KCNAB2: variants seen among roughly 807,000 people sequenced by gnomAD.
The protein encoded by KCNAB2 is voltage-gated potassium channel subunit beta-2.
A neutral mutation model predicts 63.6 loss-of-function variants in KCNAB2; 29 were observed. The observed-to-expected ratio is 0.46, with a 90% confidence interval of 0.34 to 0.62. The LOEUF is 0.62. Among genes scored for constraint, KCNAB2 ranks in the 20% least tolerant of loss-of-function variants. The pLI, the probability that KCNAB2 is intolerant of heterozygous loss-of-function variation, is 0.01. For synonymous variants in KCNAB2, 222 were observed against 224.2 expected, an observed-to-expected ratio of 0.99 and a Z score of 0.09; for missense variants, 359 against 563.9, an observed-to-expected ratio of 0.64 and a Z score of 3.68.
rs1312556017 is a variant in KCNAB2 at position 6,095,308 on chromosome 1, T to C, written c.733-15T>C. 3.1e-6 allele frequency: 5 copies of C among 1,609,288 alleles called. No individual in the cohort carries two copies. The highest frequency in any genetic ancestry group is 4.2e-6 in the Non-Finnish European group (5 of 1,178,624). On this transcript the variant is annotated splice_polypyrimidine_tract_variant and intron_variant, in intron 11 of 15. Transcript: ENST00000378083. ...CACAGGCAAGGGCCCTCGGGGTCCC[T>C]TTCTGCCTTCACAGGAGGCCTACTC...
intron 7 of KCNAB2, among the ~76,000 whole-genome samples, chr1:6,088,445 A>G (rs1018745178): frequency 1.3e-5 from 2 of 151,482 alleles, no homozygotes; most frequent in Non-Finnish European, 2.9e-5. Context: ...ATGGGGTTTC[A>G]TCATGTTGTC....
At chr1:6,004,226 G>T (rs936695676) in intron 1 of KCNAB2, among the ~76,000 whole-genome samples, 1 of 151,510 alleles carries the variant, frequency 6.6e-6, no homozygotes, top group African/African-American at 2.4e-5. Context: ...CTGGTTAGAG[G>T]GTTTTTTTTT....
intron 1 of KCNAB2, among the ~76,000 whole-genome samples, chr1:6,008,805 T>C (rs1220257505): frequency 2.6e-5 from 4 of 152,036 alleles, no homozygotes; most frequent in Admixed American, 2.6e-4. Context: ...TGCTGTGACC[T>C]CCTGCGCCAC....
intron 1 of KCNAB2, among the ~76,000 whole-genome samples, chr1:6,038,765 C>T (rs778632652): frequency 1.6e-4 from 24 of 152,304 alleles, no homozygotes; most frequent in East Asian, 7.7e-4. Context: ...TTCCTGGTGA[C>T]GGGAGGTCAC....
intron 1 of KCNAB2, among the ~76,000 whole-genome samples, chr1:6,009,005 C>G (rs1657990334): frequency 6.6e-6 from 1 of 152,226 alleles, no homozygotes; most frequent in Non-Finnish European, 1.5e-5. Context: ...CCAGAAAGAG[C>G]AAAGCAAAAG....
At chr1:6,023,656 G>A (rs1204963038) in intron 1 of KCNAB2, among the ~76,000 whole-genome samples, 2 of 152,130 alleles carry the variant, frequency 1.3e-5, no homozygotes, top group Admixed American at 1.3e-4. Context: ...TTGGTTTTCT[G>A]TTGAATTTTA....
At chr1:6,093,530 A>G (rs1452078347) in intron 10 of KCNAB2, among the ~76,000 whole-genome samples, 1 of 152,212 alleles carries the variant, frequency 6.6e-6, no homozygotes, top group Non-Finnish European at 1.5e-5. Context: ...TCTCTTCTTT[A>G]AAAGGCCAGC....
Position 6,006,627 on chromosome 1 carries a change from C to T in KCNAB2, c.-53+13839C>T, listed in dbSNP as rs5021955. Among the ~76,000 whole-genome samples, 9 of 7,248 alleles carry T rather than the reference C, an allele frequency of 1.2e-3. 1 individual carries two copies. Among genetic ancestry groups the T allele is most frequent in the African/African-American group, 6.8e-3 (9 of 1,332 alleles). 4.8% of individuals were successfully genotyped at this position (7,248 alleles called of 152,430 possible). ...AGCTCAGCTCCCACATCCCCCCACT[C>T]CACCCTCACCCCTCAGCTCAGGTCC... On this transcript the variant is annotated intron_variant, in intron 1 of 16. Coordinates refer to the KCNAB2 transcript ENST00000341524.
intron 2 of KCNAB2, among the ~76,000 whole-genome samples, chr1:6,064,290 C>T (rs1662564158): frequency 6.6e-6 from 1 of 152,250 alleles, no homozygotes; most frequent in South Asian, 2.1e-4. Context: ...GTTCCCCTGA[C>T]ATGATCAGAT....
chr1:6,000,157 C>T (rs546464118), intron 1 of KCNAB2, among the ~76,000 whole-genome samples: 3 of 152,066 alleles, frequency 2.0e-5, no homozygotes, highest in East Asian at 3.9e-4. Context: ...CAGCGCCTCC[C>T]GCCTCTGCTC....
intron 11 of KCNAB2, among the ~76,000 whole-genome samples, 168 bp downstream of exon 11, chr1:6,094,653 G>A (rs1665472574): frequency 6.6e-6 from 1 of 152,234 alleles, no homozygotes. Flanking sequence ...ATGTCTGTAG[G>A]CCTTGCAGAC....
chr1:6,098,493 G>A lies in KCNAB2; in HGVS notation c.1167G>A (p.Pro389=), dbSNP rs139957561. The A allele has an allele frequency of 1.8e-4, 298 of 1,613,922 alleles. 3 individuals carry two copies. The East Asian group carries it at 5.4e-3, about 29-fold the overall frequency. Residue 389 remains proline, a synonymous_variant, in exon 16 of 16, where the codon CCG becomes CCA. Transcript: ENST00000378083. ...GTTGTTCTTGCACGCAGGTCCTTCC[G>A]AAACTGTCATCTTCCATTATCCACG... The part of the protein sequence containing the change: ...MENIGAIQVL[P]KLSSSIIHEI...
intron 1 of KCNAB2, among the ~76,000 whole-genome samples, chr1:6,000,286 G>A (rs1657178052): frequency 6.6e-6 from 1 of 152,240 alleles, no homozygotes; most frequent in Non-Finnish European, 1.5e-5. Flanking sequence ...CCGGAGCCAT[G>A]TTGTCCCTTT....
chr1:6,061,044 C>T (rs191791361), intron 2 of KCNAB2, among the ~76,000 whole-genome samples: 4 of 152,336 alleles, frequency 2.6e-5, no homozygotes, highest in African/African-American at 9.6e-5. Flanking sequence ...CTGGCCGGCC[C>T]CAGCTTTCCA....
chr1:5,999,922 C>T (rs1208266102), intron 1 of KCNAB2, among the ~76,000 whole-genome samples: 2 of 142,662 alleles, frequency 1.4e-5, no homozygotes, highest in African/African-American at 2.7e-5. Context: ...GTCTGTGCCC[C>T]GTCCGCATCC....
At chr1:6,027,312 G>C (rs534038348) in intron 1 of KCNAB2, 1 of 154,858 alleles carries the variant, frequency 6.5e-6, no homozygotes, top group South Asian at 2.0e-4. Flanking sequence ...CTGGGTGTGC[G>C]GCTATGGGGA....
chr1:6,011,452 G>A (rs367869664), intron 1 of KCNAB2, among the ~76,000 whole-genome samples: 21 of 150,906 alleles, frequency 1.4e-4, no homozygotes, highest in African/African-American at 4.6e-4. Context: ...GTGTGTGGGA[G>A]AGAGGCAGGC....
chr1:6,097,508 G>T (rs1217103142), intron 15 of KCNAB2, 151 bp downstream of exon 15: 4 of 1,400,368 alleles, frequency 2.9e-6, no homozygotes, highest in Non-Finnish European at 3.9e-6. Context: ...TGGAGAGCTT[G>T]CTTTCCAGCA....
In KCNAB2 at chr1:6,059,405, G is replaced by A. The variant is rs182401587; in HGVS notation, c.218+7651G>A. Among the ~76,000 whole-genome samples, 12 of 152,224 alleles carry A rather than the reference G, an allele frequency of 7.9e-5. No individual in the cohort carries two copies. In the East Asian group the frequency reaches 2.3e-3, roughly 29 times the overall value. ...GAGTCTCACTAGGTTCCCCAGGCTA[G>A]CTGGGAACCCCTGGGCTCAAGCGAT... On this transcript the variant is annotated intron_variant, in intron 2 of 15. Transcript: ENST00000378083.
Sources: allele counts gnomAD v4.1 joint callset (sites outside exome capture counted in the v4.1 genomes callset), GRCh38; gene constraint gnomAD v4.1.1; transcripts MANE v1.5; gene names NCBI Gene and HGNC (gene_info 2026-07-23, HGNC 2026-07-21).